Variants in NFIB observed in about 807,000 individuals in gnomAD.
NFIB encodes nuclear factor I B.
NFIB carries 11 observed loss-of-function variants against 61.5 expected under a neutral mutation model. That is an observed-to-expected ratio of 0.18 (90% CI 0.11 to 0.30). NFIB has a LOEUF of 0.30. NFIB is among the 10% of genes least tolerant of loss of function. The pLI, the probability that NFIB is intolerant of heterozygous loss-of-function variation, is 1.00. For missense variants in NFIB, 471 were observed against 608.9 expected, an observed-to-expected ratio of 0.77 and a Z score of 2.38; for synonymous variants, 260 against 216.5, an observed-to-expected ratio of 1.20 and a Z score of -1.76.
At chr9:14,346,164 C>G (rs759014752) in intron 1 of NFIB, among the ~76,000 whole-genome samples, 5 of 152,100 alleles carry the variant, frequency 3.3e-5, no homozygotes, top group Non-Finnish European at 7.4e-5. Flanking sequence ...CACCCCAGCA[C>G]TGGAAAGAGA....
chr9:14,321,011 A>G (rs997333654), intron 1 of NFIB, among the ~76,000 whole-genome samples: 5 of 152,122 alleles, frequency 3.3e-5, no homozygotes, highest in African/African-American at 1.2e-4. Flanking sequence ...CAACCCGAGC[A>G]GAAGATGGCC....
chr9:14,083,001 T>C lies in NFIB; in HGVS notation c.*5308A>G, dbSNP rs764631087. 8.2e-5 allele frequency: 17 copies of C among 207,206 alleles called. No homozygotes were observed. Among genetic ancestry groups the C allele is most frequent in the Non-Finnish European group, 1.5e-4 (15 of 101,668 alleles). The allele number at this position is 207,206 out of a possible 1,614,324, so 12.8% of individuals were successfully genotyped here. On this transcript the variant is annotated 3_prime_UTR_variant, in exon 11 of 11. Transcript: ENST00000380953. Reference sequence around the variant, plus strand: ...GGCTTAGTCTAGTGTACCGGTAAGCTAGTGGCACTGAAGCGCTTTTCACAA... The same window carrying C: ...GGCTTAGTCTAGTGTACCGGTAAGCCAGTGGCACTGAAGCGCTTTTCACAA...
At chr9:14,277,929 G>C (rs1260359638) in intron 2 of NFIB, among the ~76,000 whole-genome samples, 1 of 152,116 alleles carries the variant, frequency 6.6e-6, no homozygotes, top group Non-Finnish European at 1.5e-5. Context: ...ATGCACAACA[G>C]TAGACTTCTA....
In NFIB at chr9:14,313,952, G is replaced by C. The variant is rs761295291; in HGVS notation, c.-441C>G. The C allele has an allele frequency of 9.4e-7, 1 of 1,064,792 alleles. No homozygotes were observed. Among genetic ancestry groups the C allele is most frequent in the Non-Finnish European group, 1.1e-6 (1 of 880,550 alleles). 66.0% of individuals were successfully genotyped at this position (1,064,792 alleles called of 1,614,324 possible). Reference sequence around the variant, plus strand: ...ATGCTTTTTCAAAAAAGGCGGGGAGGGGGGCGCGGGAGGGCGCAGGAGGGC... The same window carrying C: ...ATGCTTTTTCAAAAAAGGCGGGGAGCGGGGCGCGGGAGGGCGCAGGAGGGC... On this transcript the variant is annotated 5_prime_UTR_variant, in exon 1 of 11. Coordinates refer to ENST00000380953, the MANE Select transcript of NFIB (RefSeq NM_001190737.2). The surrounding 1 kb of genome is among the most constrained non-coding windows in gnomAD (Gnocchi z 4.5).
intron 1 of NFIB, among the ~76,000 whole-genome samples, chr9:14,371,266 C>CATTAT: frequency 6.6e-6 from 1 of 152,200 alleles, no homozygotes; most frequent in African/African-American, 2.4e-5. Flanking sequence ...TAGCTTTGGA[C>CATTAT]ATGAGGTTTT....
the NFIB span, among the ~76,000 whole-genome samples, chr9:14,517,295 T>C: frequency 6.6e-6 from 1 of 152,208 alleles, no homozygotes; most frequent in Non-Finnish European, 1.5e-5. Context: ...TCAATGTGTT[T>C]GTCTTCTCTC....
chr9:14,203,694 T>C (rs376450497), intron 2 of NFIB, among the ~76,000 whole-genome samples: 18 of 152,192 alleles, frequency 1.2e-4, no homozygotes, highest in African/African-American at 4.1e-4. Flanking sequence ...CTAAAGTCTG[T>C]CTCACAGGAA....
chr9:14,250,138 T>G (rs2055422292), intron 2 of NFIB, among the ~76,000 whole-genome samples: 1 of 152,206 alleles, frequency 6.6e-6, no homozygotes, highest in African/African-American at 2.4e-5. Context: ...CACGCAGGAT[T>G]TTTAGCTCTA....
chr9:14,256,241 A>G (rs375769070), intron 2 of NFIB, among the ~76,000 whole-genome samples: 7 of 152,338 alleles, frequency 4.6e-5, no homozygotes, highest in African/African-American at 1.7e-4. Context: ...GGGAGGTCTT[A>G]CTGCATTTTT....
At chr9:14,259,331 C>T (rs755930248) in intron 2 of NFIB, among the ~76,000 whole-genome samples, 1 of 152,200 alleles carries the variant, frequency 6.6e-6, no homozygotes, top group Non-Finnish European at 1.5e-5. Context: ...CTCCAAAGAG[C>T]TACCTGTAAA....
intron 2 of NFIB, among the ~76,000 whole-genome samples, chr9:14,236,493 C>T (rs1295196162): frequency 6.6e-6 from 1 of 152,158 alleles, no homozygotes; most frequent in African/African-American, 2.4e-5. Flanking sequence ...GGAAATGATC[C>T]ATTTTCATGT....
chr9:14,354,503 A>C (rs144067070), intron 1 of NFIB, among the ~76,000 whole-genome samples: 1 of 152,348 alleles, frequency 6.6e-6, no homozygotes, highest in Admixed American at 6.5e-5. Context: ...AATCTGGCTA[A>C]CATTTTTCTA....
chr9:14,276,629 T>C (rs868210987), intron 2 of NFIB, among the ~76,000 whole-genome samples: 1 of 152,148 alleles, frequency 6.6e-6, no homozygotes, highest in Non-Finnish European at 1.5e-5. Flanking sequence ...TGAGCTCTAA[T>C]TTTCTCATCT....
At chr9:14,503,468 A>T in the NFIB span, among the ~76,000 whole-genome samples, 7 of 151,824 alleles carry the variant, frequency 4.6e-5, no homozygotes, top group Admixed American at 1.3e-4. Flanking sequence ...GTTTTTTTTA[A>T]ATTTTTTGAT....
chr9:14,103,231 G>A (rs1398272135), intron 10 of NFIB, among the ~76,000 whole-genome samples: 2 of 151,812 alleles, frequency 1.3e-5, no homozygotes, highest in Non-Finnish European at 2.9e-5. Context: ...GAGATTGTTC[G>A]AGTAACCCTA....
At chr9:14,196,742 T>C (rs1398309211) in intron 2 of NFIB, among the ~76,000 whole-genome samples, 1 of 151,034 alleles carries the variant, frequency 6.6e-6, no homozygotes, top group African/African-American at 2.4e-5. Context: ...CTCAGAACTA[T>C]GGAGTCTACA....
upstream of NFIB, among the ~76,000 whole-genome samples, chr9:14,402,364 CT>C: frequency 6.6e-6 from 1 of 152,312 alleles, no homozygotes; most frequent in East Asian, 1.9e-4. Flanking sequence ...CTTTGAGACT[CT>C]GTACTTTGCT....
intron 3 of NFIB, among the ~76,000 whole-genome samples, chr9:14,172,870 A>G (rs1008418376): frequency 6.6e-6 from 1 of 152,022 alleles, no homozygotes; most frequent in Non-Finnish European, 1.5e-5. Context: ...CCCAGGTTCA[A>G]GCGATTCTCC....
rs558600474 is a variant in NFIB, at chr9:14,361,102, T to C, written c.108+37422A>G. Among the ~76,000 whole-genome samples the C allele has an allele frequency of 1.8e-4, 28 of 152,240 alleles. No individual in the cohort carries two copies. The South Asian group carries it at 4.2e-3, about 23-fold the overall frequency. ...TTTTGTCACCCATAATCCTGTTTGT[T>C]TTCCTCCACTTTCAAATACCTTTGT... On this transcript the variant is annotated intron_variant, in intron 1 of 8. Coordinates refer to the NFIB transcript ENST00000380934.
Sources: gnomAD v4.1 joint callset for allele counts (sites outside exome capture counted in the v4.1 genomes callset) on GRCh38, gnomAD v4.1.1 for gene constraint, Gnocchi (gnomAD v3.1) non-coding constraint, MANE v1.5 for transcripts, NCBI Gene and HGNC (gene_info 2026-07-23, HGNC 2026-07-21) for gene names.